Variants in PTPRD observed in about 807,000 individuals in gnomAD.
PTPRD encodes protein tyrosine phosphatase receptor type D, also known as receptor-type tyrosine-protein phosphatase delta.
In PTPRD, 34 loss-of-function variants were observed where a neutral mutation model predicts 214.5. The ratio of observed to expected loss-of-function variants is 0.16; its 90% CI spans 0.12 to 0.21. The LOEUF (loss-of-function observed/expected upper bound fraction) is 0.21. Among genes scored for constraint, PTPRD ranks in the 10% least tolerant of loss-of-function variants. The pLI, the probability that PTPRD is intolerant of heterozygous loss-of-function variation, is 1.00. For missense variants in PTPRD, 2,545 were observed against 2,398.7 expected (o/e 1.06, Z -1.27); for synonymous variants, 1,128 against 845.7 (o/e 1.33, Z -5.79).
chr9:9,504,361 T>C (rs193116915), intron 8 of PTPRD, among the ~76,000 whole-genome samples: 143 of 151,870 alleles, frequency 9.4e-4, no homozygotes, highest in Non-Finnish European at 1.7e-3. Context: ...CCCATTGTTC[T>C]TAGTAGATAA....
rs1419426658 is a variant in PTPRD, at chr9:8,849,419, G to C, written c.-103-115473C>G. ...TTTTTTGTATTTTTAGTGGAGACGG[G>C]GTTTCACCATGTTAGCCAGAATGGT... On this transcript the variant is annotated intron_variant, in intron 11 of 45. Coordinates refer to ENST00000381196, the MANE Select transcript of PTPRD (RefSeq NM_002839.4). Among the ~76,000 whole-genome samples the C allele has an allele frequency of 4.6e-5, 7 of 152,022 alleles. No homozygotes were observed. The East Asian group carries it at 7.8e-4, about 17-fold the overall frequency.
intron 4 of PTPRD, among the ~76,000 whole-genome samples, chr9:10,023,241 C>T (rs962805301): frequency 6.6e-6 from 1 of 152,010 alleles, no homozygotes; most frequent in Admixed American, 6.6e-5. Flanking sequence ...AAGTGTATAA[C>T]CAATCATTAT....
At chr9:9,756,050 C>T (rs1432025338) in intron 6 of PTPRD, among the ~76,000 whole-genome samples, 2 of 151,968 alleles carry the variant, frequency 1.3e-5, no homozygotes, top group Non-Finnish European at 2.9e-5. Flanking sequence ...GAAATGCATT[C>T]CCTCTCATAA....
chr9:8,404,074 A>C (rs571771446), intron 36 of PTPRD, among the ~76,000 whole-genome samples: 20 of 152,256 alleles, frequency 1.3e-4, no homozygotes, highest in Non-Finnish European at 2.8e-4. Flanking sequence ...TGTATAATTT[A>C]TTTGTGTGAG....
chr9:10,174,146 T>C (rs1207650579), intron 3 of PTPRD, among the ~76,000 whole-genome samples: 1 of 152,156 alleles, frequency 6.6e-6, no homozygotes, highest in Non-Finnish European at 1.5e-5. Context: ...TTTTGAATTT[T>C]TGGTTATTGC....
chr9:10,487,108 G>T (rs763379590), intron 2 of PTPRD, among the ~76,000 whole-genome samples: 1 of 151,938 alleles, frequency 6.6e-6, no homozygotes. Context: ...TTGGTATCAC[G>T]AGTATAGCTA....
At chr9:8,959,495 C>T (rs2099148163) in intron 11 of PTPRD, among the ~76,000 whole-genome samples, 1 of 151,778 alleles carries the variant, frequency 6.6e-6, no homozygotes, top group Admixed American at 6.6e-5. Flanking sequence ...AGGAGAGCAG[C>T]GATCAGAAAT....
At chr9:9,033,389 C>A (rs2099611741) in intron 10 of PTPRD, among the ~76,000 whole-genome samples, 1 of 152,180 alleles carries the variant, frequency 6.6e-6, no homozygotes, top group African/African-American at 2.4e-5. Context: ...AGACTAGAAT[C>A]CCTATTTCCG....
chr9:8,643,695 C>T (rs568012231), intron 12 of PTPRD, among the ~76,000 whole-genome samples: 393 of 152,320 alleles, frequency 2.6e-3, no homozygotes, highest in African/African-American at 8.5e-3. Context: ...ACTGAGTGTG[C>T]ACATGTTGGG....
chr9:10,080,060 C>T (rs1352020983), intron 3 of PTPRD, among the ~76,000 whole-genome samples: 1 of 150,778 alleles, frequency 6.6e-6, no homozygotes, highest in African/African-American at 2.4e-5. Context: ...ACAACAAACA[C>T]AAATAGAGAA....
intron 29 of PTPRD, 82 bp downstream of exon 29, chr9:8,485,145 C>A: frequency 8.4e-7 from 1 of 1,184,442 alleles, no homozygotes; most frequent in Non-Finnish European, 1.2e-6. Context: ...AAGTGGTCTG[C>A]TTGCTGTGCA....
chr9:9,251,028 A>C (rs866343681), intron 9 of PTPRD, among the ~76,000 whole-genome samples: 12 of 152,158 alleles, frequency 7.9e-5, no homozygotes, highest in Middle Eastern at 3.4e-3. Context: ...CCATTCCTTC[A>C]CCATGTTCGC....
intron 9 of PTPRD, among the ~76,000 whole-genome samples, chr9:9,306,493 G>T (rs1957173713): frequency 6.9e-6 from 1 of 143,910 alleles, no homozygotes; most frequent in Non-Finnish European, 1.5e-5. Context: ...GAACCCAGGA[G>T]GCAGAGGTTG....
rs545140131 is a variant in PTPRD at position 8,884,271 on chromosome 9, A to C, written c.-104+134426T>G. On this transcript the variant is annotated intron_variant, in intron 11 of 45. Coordinates refer to ENST00000381196, the MANE Select transcript of PTPRD (RefSeq NM_002839.4). Reference sequence around the variant, plus strand: ...TATTAGGGCAAACTGGGAGAAGGTGAGTCCTGAGTTGCAAGACAGAGAAGG... The same window carrying C: ...TATTAGGGCAAACTGGGAGAAGGTGCGTCCTGAGTTGCAAGACAGAGAAGG... Among the ~76,000 whole-genome samples, 3 of 152,318 alleles carry C rather than the reference A, an allele frequency of 2.0e-5. No individual in the cohort carries two copies. The East Asian group carries it at 5.8e-4, about 29-fold the overall frequency.
intron 32 of PTPRD, among the ~76,000 whole-genome samples, chr9:8,464,924 T>C (rs779815938): frequency 2.6e-5 from 4 of 151,912 alleles, no homozygotes; most frequent in Admixed American, 6.6e-5. Context: ...TCTTTCTAGA[T>C]AGACCTTCCT....
intron 14 of PTPRD, among the ~76,000 whole-genome samples, chr9:8,606,175 G>A (rs902084850): frequency 6.6e-6 from 1 of 152,056 alleles, no homozygotes; most frequent in African/African-American, 2.4e-5. Context: ...GAGGAAGGAG[G>A]TTCCAAGGGA....
At chr9:9,012,258 C>G (rs947739162) in intron 11 of PTPRD, among the ~76,000 whole-genome samples, 1 of 152,128 alleles carries the variant, frequency 6.6e-6, no homozygotes, top group African/African-American at 2.4e-5. Context: ...AGATGAGAAC[C>G]AAGCCCTGGC....
intron 11 of PTPRD, among the ~76,000 whole-genome samples, chr9:9,003,579 A>G (rs899195879): frequency 3.3e-5 from 5 of 152,038 alleles, no homozygotes; most frequent in African/African-American, 7.2e-5. Context: ...GTCCTAATTT[A>G]ATGCCAGTTA....
intron 3 of PTPRD, among the ~76,000 whole-genome samples, chr9:10,296,838 C>G (rs2095689128): frequency 6.6e-6 from 1 of 151,954 alleles, no homozygotes; most frequent in African/African-American, 2.4e-5. Flanking sequence ...GACGATTGAC[C>G]TCTCTTAGAT....
Sources: allele counts gnomAD v4.1 joint callset (sites outside exome capture counted in the v4.1 genomes callset), GRCh38; gene constraint gnomAD v4.1.1; transcripts MANE v1.5; gene names NCBI Gene and HGNC (gene_info 2026-07-23, HGNC 2026-07-21).